Variants in GRIK2 observed in about 807,000 individuals in gnomAD.
GRIK2 encodes glutamate receptor ionotropic, kainate 2.
In GRIK2, 32 loss-of-function variants were observed where a neutral mutation model predicts 100.3. The observed-to-expected ratio is 0.32, with a 90% confidence interval of 0.24 to 0.43. The LOEUF is 0.43. Ranked by LOEUF, GRIK2 falls within the 20% of genes least tolerant of loss-of-function variation. GRIK2 has a pLI of 1.00. For synonymous variants in GRIK2, 417 were observed against 389.4 expected (o/e 1.07, Z -0.83); for missense variants, 843 against 1,114.9 (o/e 0.76, Z 3.47).
At chr6:102,064,906 G>C (rs1368257754) in intron 16 of GRIK2, among the ~76,000 whole-genome samples, 1 of 151,142 alleles carries the variant, frequency 6.6e-6, no homozygotes, top group Non-Finnish European at 1.5e-5. Context: ...CAAATCTAAA[G>C]ATTATCAAGT....
At chr6:102,064,860 T>C (rs1771938551) in intron 16 of GRIK2, among the ~76,000 whole-genome samples, 1 of 151,276 alleles carries the variant, frequency 6.6e-6, no homozygotes, top group South Asian at 2.1e-4. Context: ...ATCCTTGAAT[T>C]TGTTTAATTT....
intron 7 of GRIK2, among the ~76,000 whole-genome samples, chr6:101,707,478 TA>T (rs1773386301): frequency 1.4e-5 from 2 of 146,276 alleles, no homozygotes. Flanking sequence ...ATATAATATA[TA>T]AATATATATA....
At chr6:101,463,862 G>T (rs568200352) in intron 2 of GRIK2, among the ~76,000 whole-genome samples, 1 of 152,210 alleles carries the variant, frequency 6.6e-6, no homozygotes, top group East Asian at 1.9e-4. Flanking sequence ...CACTTTGTGT[G>T]ATGGTTAATA....
chr6:101,787,361 T>G (rs1488123643), intron 7 of GRIK2, among the ~76,000 whole-genome samples: 1 of 151,970 alleles, frequency 6.6e-6, no homozygotes, highest in African/African-American at 2.4e-5. Flanking sequence ...GTTTGATTTG[T>G]TCTTACTTTT....
intron 14 of GRIK2, among the ~76,000 whole-genome samples, 176 bp downstream of exon 14, chr6:101,928,808 C>T (rs1336539582): frequency 6.6e-6 from 1 of 152,144 alleles, no homozygotes; most frequent in East Asian, 1.9e-4. Context: ...CAAGACCAAT[C>T]ATTTTAATCT....
At chr6:102,034,722 C>A (rs1164494919) in intron 14 of GRIK2, among the ~76,000 whole-genome samples, 1 of 151,232 alleles carries the variant, frequency 6.6e-6, no homozygotes, top group African/African-American at 2.4e-5. Context: ...TTCTGAAGTC[C>A]AGCTTAAAGA....
intron 7 of GRIK2, among the ~76,000 whole-genome samples, chr6:101,722,836 A>G (rs914339505): frequency 1.3e-5 from 2 of 152,126 alleles, no homozygotes; most frequent in African/African-American, 4.8e-5. Flanking sequence ...CAAAGCTGAC[A>G]GAAGAAACAA....
At chr6:101,679,880 A>T (rs1010090025) in intron 5 of GRIK2, among the ~76,000 whole-genome samples, 37 of 152,224 alleles carry the variant, frequency 2.4e-4, no homozygotes, top group African/African-American at 8.4e-4. Flanking sequence ...CCGGTATTAC[A>T]GGCAGCTGCC....
chr6:101,863,025 C>G (rs1326476639), intron 11 of GRIK2, among the ~76,000 whole-genome samples: 2 of 152,054 alleles, frequency 1.3e-5, no homozygotes, highest in Non-Finnish European at 2.9e-5. Flanking sequence ...GCTATTTTAT[C>G]ATATCAGTTT....
intron 14 of GRIK2, among the ~76,000 whole-genome samples, chr6:101,978,747 C>CATAAAAATAT (rs1388957149): frequency 2.0e-5 from 3 of 151,762 alleles, no homozygotes; most frequent in Non-Finnish European, 4.4e-5. Flanking sequence ...TTTATAAAAG[C>CATAAAAATAT]TATGTATATA....
chr6:101,407,636 C>A (rs1775665366), intron 2 of GRIK2, among the ~76,000 whole-genome samples: 1 of 151,962 alleles, frequency 6.6e-6, no homozygotes, highest in Admixed American at 6.6e-5. Context: ...CAGCCTCTTG[C>A]ATACCTGCTT....
chr6:101,899,893 G>T (rs1787727315), intron 12 of GRIK2, among the ~76,000 whole-genome samples: 1 of 152,058 alleles, frequency 6.6e-6, no homozygotes, highest in East Asian at 1.9e-4. Context: ...GTAATGGGGG[G>T]TGCTGGGAGG....
At chr6:102,021,328 A>G (rs1769413261) in intron 14 of GRIK2, among the ~76,000 whole-genome samples, 1 of 151,656 alleles carries the variant, frequency 6.6e-6, no homozygotes, top group Admixed American at 6.6e-5. Flanking sequence ...TTTTTATTTC[A>G]TAGAAAACTG....
intron 14 of GRIK2, among the ~76,000 whole-genome samples, chr6:102,005,612 C>CTT (rs1795174504): frequency 6.6e-6 from 1 of 152,016 alleles, no homozygotes; most frequent in Non-Finnish European, 1.5e-5. Flanking sequence ...ATATTAAACA[C>CTT]TTATCTTGTT....
At chr6:102,022,792 G>A (rs1769498722) in intron 14 of GRIK2, among the ~76,000 whole-genome samples, 1 of 151,340 alleles carries the variant, frequency 6.6e-6, no homozygotes, top group Non-Finnish European at 1.5e-5. Flanking sequence ...AGAGCAAATG[G>A]GTAGAAAACT....
At chr6:101,856,440 G>C (rs1784430659) in intron 10 of GRIK2, among the ~76,000 whole-genome samples, 1 of 152,152 alleles carries the variant, frequency 6.6e-6, no homozygotes, top group Admixed American at 6.5e-5. Flanking sequence ...CCTAAGACTT[G>C]CAAGAAGTGT....
At chr6:101,790,108 T>C (rs894437080) in intron 7 of GRIK2, among the ~76,000 whole-genome samples, 5 of 152,220 alleles carry the variant, frequency 3.3e-5, no homozygotes, top group African/African-American at 1.2e-4. Context: ...GATATCGGGC[T>C]GAGACAATGG....
At chr6:101,466,768 A>C (rs567284566) in intron 2 of GRIK2, among the ~76,000 whole-genome samples, 1 of 152,264 alleles carries the variant, frequency 6.6e-6, no homozygotes, top group African/African-American at 2.4e-5. Flanking sequence ...ATTTTGAAGG[A>C]GTTTGTGTGC....
intron 14 of GRIK2, among the ~76,000 whole-genome samples, chr6:102,022,095 C>T (rs1196013851): frequency 6.7e-6 from 1 of 150,074 alleles, no homozygotes; most frequent in Non-Finnish European, 1.5e-5. Context: ...TCCTAAAATT[C>T]ATTCTTTTTC....
Sources: allele counts gnomAD v4.1 joint callset (sites outside exome capture counted in the v4.1 genomes callset), GRCh38; gene constraint gnomAD v4.1.1; transcripts MANE v1.5; gene names NCBI Gene and HGNC (gene_info 2026-07-23, HGNC 2026-07-21).